The following TOR1AIP1 variants were observed in gnomAD, a reference collection of about 807,000 sequenced individuals.
The protein encoded by TOR1AIP1 is torsin-1A-interacting protein 1.
TOR1AIP1 carries 54 observed loss-of-function variants against 63.3 expected under a neutral mutation model. The ratio of observed to expected loss-of-function variants is 0.85; its 90% confidence interval spans 0.69 to 1.07. The LOEUF (loss-of-function observed/expected upper bound fraction) is 1.07. TOR1AIP1 is among the 50% of genes least tolerant of loss of function. The pLI, the probability that TOR1AIP1 is intolerant of heterozygous loss-of-function variation, is 0.00. For synonymous variants in TOR1AIP1, 294 were observed against 273.5 expected (o/e 1.07, Z -0.74); for missense variants, 736 against 715.0 (o/e 1.03, Z -0.33).
chr1:179,903,659 C>T (rs1051272307), intron 5 of TOR1AIP1, among the ~76,000 whole-genome samples: 75 of 152,178 alleles, frequency 4.9e-4, no homozygotes, highest in African/African-American at 1.8e-3. Context: ...CAGGCACGCG[C>T]CACCACGCCC....
At chr1:179,886,714 C>G (rs1353547384) in intron 2 of TOR1AIP1, among the ~76,000 whole-genome samples, 1 of 152,148 alleles carries the variant, frequency 6.6e-6, no homozygotes, top group African/African-American at 2.4e-5. Flanking sequence ...ACATAGATTA[C>G]CTGGACTGTA....
At position 179,899,383 on chromosome 1, in the gene TOR1AIP1, A is replaced by G. The variant is rs150070483; in HGVS notation, c.611-743A>G. The stretch of plus-strand genomic sequence containing the variant: ...TTTGCACTGGAAAACAGTGACATAC[A>G]TGGACCCGCCAGAACTAGAAGTTTC... On this transcript the variant is annotated intron_variant, in intron 3 of 9. Coordinates refer to ENST00000606911, the MANE Select transcript of TOR1AIP1 (RefSeq NM_015602.4). Among the ~76,000 whole-genome samples the G allele has an allele frequency of 1.1e-4, 16 of 152,180 alleles. No homozygotes were observed. The East Asian group carries it at 1.7e-3, about 17-fold the overall frequency.
intron 1 of TOR1AIP1, 77 bp from the exon 2 acceptor site, chr1:179,884,615 C>G: frequency 7.9e-7 from 1 of 1,265,590 alleles, no homozygotes; most frequent in South Asian, 1.4e-5. Context: ...TGTATTGTTA[C>G]AAAAATGCAT....
At chr1:179,893,291 A>G (rs902413887) in intron 3 of TOR1AIP1, among the ~76,000 whole-genome samples, 10 of 152,028 alleles carry the variant, frequency 6.6e-5, no homozygotes, top group African/African-American at 2.2e-4. Flanking sequence ...ACATTTTTCA[A>G]TTCCTTTATA....
At chr1:179,899,473 G>A (rs1648381429) in intron 3 of TOR1AIP1, among the ~76,000 whole-genome samples, 1 of 152,170 alleles carries the variant, frequency 6.6e-6, no homozygotes, top group Admixed American at 6.5e-5. Context: ...TCCAGTTAGT[G>A]TAGTTGGTTT....
intron 6 of TOR1AIP1, among the ~76,000 whole-genome samples, chr1:179,907,597 ATATATATATATATATATATATG>A (rs1648682929): frequency 6.4e-5 from 1 of 15,622 alleles, no homozygotes; most frequent in African/African-American, 1.4e-4. Context: ...CACACTTTAT[ATATATATATATATATATATATG>A]TATATATATG....
rs547139250 is a variant in TOR1AIP1, at chr1:179,883,114, G to A, written c.475+137G>A. On this transcript the variant is annotated intron_variant, in intron 1 of 9. Coordinates refer to ENST00000606911, the MANE Select transcript of TOR1AIP1 (RefSeq NM_015602.4). ...AAAGGGTATTCCTCAGCCCCCTCTG[G>A]ACTTGTGCCGCCGTGCAAGGGCCAC... is the stretch of plus-strand genomic sequence containing the variant. 8.7e-5 allele frequency: 71 copies of A among 816,266 alleles called. No homozygotes were observed. In the African/African-American group the frequency reaches 1.2e-3, roughly 14 times the overall value. The allele number at this position is 816,266 out of a possible 1,614,324, so 50.6% of individuals were successfully genotyped here.
rs1190495052 is a variant in TOR1AIP1 at position 179,917,657 on chromosome 1, C to A, written c.1170C>A (p.Ser390Arg). The A allele has an allele frequency of 6.2e-7, 1 of 1,614,148 alleles. No homozygotes were observed. Reference sequence around the variant, plus strand: ...AAGATGAGAAGCTGTGGAAAAGGAGCCAAACATTCCTGGAAAAACATCTTA... The same window carrying A: ...AAGATGAGAAGCTGTGGAAAAGGAGACAAACATTCCTGGAAAAACATCTTA... ...QGQDEKLWKR[S>R]QTFLEKHLNS... The change falls in exon 10 of 10, where the codon AGC becomes AGA. Residue 390 changes from serine to arginine, a missense_variant. Transcript: ENST00000606911.
intron 6 of TOR1AIP1, among the ~76,000 whole-genome samples, chr1:179,906,244 G>A (rs1648630133): frequency 6.6e-6 from 1 of 152,046 alleles, no homozygotes; most frequent in Admixed American, 6.6e-5. Flanking sequence ...AAAGCTGAGA[G>A]AATATCTGTC....
rs1160223184 is a variant in TOR1AIP1, at chr1:179,908,586, A to G, written c.839-19A>G. On this transcript the variant is annotated intron_variant, in intron 7 of 9. Coordinates refer to ENST00000606911, the MANE Select transcript of TOR1AIP1 (RefSeq NM_015602.4). ...TCAAAGTATGGGAAATTATCTTTTG[A>G]TATATGTATTTGCTTCAGGCTCAGG... 1 of 1,602,792 alleles carries G rather than the reference A, an allele frequency of 6.2e-7. No individual in the cohort carries two copies. The highest frequency in any genetic ancestry group is 2.2e-5 in the East Asian group (1 of 44,792).
At chr1:179,884,552 G>C in intron 1 of TOR1AIP1, 140 bp from the exon 2 acceptor site, 3 of 609,970 alleles carry the variant, frequency 4.9e-6, no homozygotes, top group Middle Eastern at 3.9e-4. Context: ...CCTAAGTTTT[G>C]GTAAACCTAA....
intron 8 of TOR1AIP1, among the ~76,000 whole-genome samples, chr1:179,912,358 G>T (rs1648870857): frequency 6.6e-6 from 1 of 152,064 alleles, no homozygotes; most frequent in South Asian, 2.1e-4. Context: ...TAGAATTGTT[G>T]TTAGCATCTC....
At chr1:179,889,487 AAAAATCTCC>A in intron 3 of TOR1AIP1, 118 bp downstream of exon 3, 1 of 770,568 alleles carries the variant, frequency 1.3e-6, no homozygotes, top group Non-Finnish European at 2.0e-6. Flanking sequence ...ATATACATTA[AAAAATCTCC>A]CTGTCCCCTC....
intron 1 of TOR1AIP1, chr1:179,883,792 G>T (rs1418001922): frequency 2.4e-6 from 1 of 412,152 alleles, no homozygotes; most frequent in African/African-American, 2.0e-5. Flanking sequence ...AGTCATAGGT[G>T]AATCAGTTTC....
Position 179,882,667 on chromosome 1 carries a change from G to C in TOR1AIP1, c.165G>C (p.Arg55=), listed in dbSNP as rs773988401. 1.3e-6 allele frequency: 2 copies of C among 1,591,798 alleles called. No individual in the cohort carries two copies. The highest frequency in any genetic ancestry group is 2.7e-5 in the African/African-American group (2 of 73,994). ...CTCCTCCGTCGCGCCAGGGCCGGCG[G>C]GAAGTGAGGTTCTCGGACGAGCCGC... is the stretch of plus-strand genomic sequence containing the variant. The part of the protein sequence containing the change: ...YRTPPSRQGR[R]EVRFSDEPPE... The change falls in exon 1 of 10, where the codon CGG becomes CGC. Residue 55 remains arginine, a synonymous_variant. Transcript: ENST00000606911.
At chr1:179,892,225 A>G (rs1270664795) in intron 3 of TOR1AIP1, among the ~76,000 whole-genome samples, 1 of 152,180 alleles carries the variant, frequency 6.6e-6, no homozygotes, top group African/African-American at 2.4e-5. Flanking sequence ...TAATCCCAGC[A>G]CTTTGGGAGG....
intron 9 of TOR1AIP1, among the ~76,000 whole-genome samples, chr1:179,914,561 C>G (rs1324668935): frequency 6.6e-6 from 1 of 152,074 alleles, no homozygotes; most frequent in Non-Finnish European, 1.5e-5. Context: ...TTTGGGAGGC[C>G]AAGGCAGGCG....
chr1:179,912,891 G>A (rs1313997264), intron 8 of TOR1AIP1, among the ~76,000 whole-genome samples: 1 of 152,016 alleles, frequency 6.6e-6, no homozygotes, highest in African/African-American at 2.4e-5. Flanking sequence ...TTGATATAAC[G>A]CTAAGAAGAT....
Position 179,918,298 on chromosome 1 carries a change from C to T in TOR1AIP1, c.*59C>T. 1.4e-6 allele frequency: 2 copies of T among 1,478,192 alleles called. No individual in the cohort carries two copies. The highest frequency in any genetic ancestry group is 2.3e-5 in the East Asian group (1 of 43,962). The allele number at this position is 1,478,192 out of a possible 1,614,324, so 91.6% of individuals were successfully genotyped here. A position where few individuals can be genotyped will look rare whatever the true frequency, so the allele number is the denominator to read the frequency against. On this transcript the variant is annotated 3_prime_UTR_variant, in exon 10 of 10. Coordinates refer to ENST00000606911, the MANE Select transcript of TOR1AIP1 (RefSeq NM_015602.4). ...TCTGAGAATTGTTCACACTTTCTAA[C>T]CAGAGACAGAATTCAGAGCTCTTTT... is the stretch of plus-strand genomic sequence containing the variant.
Sources: gnomAD v4.1 joint callset for allele counts (sites outside exome capture counted in the v4.1 genomes callset) on GRCh38, gnomAD v4.1.1 for gene constraint, MANE v1.5 for transcripts, NCBI Gene and HGNC (gene_info 2026-07-23, HGNC 2026-07-21) for gene names.